Variants in DNMT3A observed in about 807,000 individuals in gnomAD.
DNMT3A encodes the protein DNA methyltransferase 3 alpha.
DNMT3A carries 267 observed loss-of-function variants against 117.6 expected under a neutral mutation model. That is an observed-to-expected ratio of 2.27 (90% CI 2.05 to 2.51). The LOEUF is 2.51. Among genes scored for constraint, DNMT3A ranks in the 30% most tolerant of loss-of-function variants. The pLI is 0.00. For synonymous variants in DNMT3A, 432 were observed against 474.8 expected (o/e 0.91, Z 1.17); for missense variants, 1,029 against 1,260.2 (o/e 0.82, Z 2.78).
intron 6 of DNMT3A, among the ~76,000 whole-genome samples, chr2:25,264,079 T>C (rs1010680795): frequency 1.3e-4 from 19 of 150,356 alleles, no homozygotes; most frequent in African/African-American, 4.6e-4. Context: ...CAAGGTGGTA[T>C]CTTAAAGACT....
rs1573286603 is a variant in DNMT3A, at chr2:25,231,583, A to G, written c.*2696T>C. Reference sequence around the variant, plus strand: ...TTCAATAGGTGAGGTTCACTGTCCCATTTTTTTTCCCCAATGGAAGCCCCC... The same window carrying G: ...TTCAATAGGTGAGGTTCACTGTCCCGTTTTTTTTCCCCAATGGAAGCCCCC... On this transcript the variant is annotated 3_prime_UTR_variant, in exon 23 of 23. Transcript: ENST00000321117. The G allele has an allele frequency of 6.6e-6, 1 of 151,990 alleles. No individual in the cohort carries two copies. The highest frequency in any genetic ancestry group is 1.9e-4 in the East Asian group (1 of 5,190). The allele number at this position is 151,990 out of a possible 1,614,324, so 9.4% of individuals were successfully genotyped here.
At chr2:25,264,146 T>G (rs1251701904) in intron 6 of DNMT3A, among the ~76,000 whole-genome samples, 4 of 135,982 alleles carry the variant, frequency 2.9e-5, no homozygotes, top group Non-Finnish European at 6.3e-5. Context: ...TTTTTTTTTT[T>G]TTTTTTTTTT....
intron 21 of DNMT3A, 152 bp from the exon 22 acceptor site, chr2:25,235,977 G>A (rs1043587316): frequency 2.9e-6 from 2 of 687,820 alleles, no homozygotes; most frequent in East Asian, 2.7e-5. Context: ...AGCAGAGTTC[G>A]CAGGGCAGGA....
chr2:25,291,928 G>A (rs1307713600), intron 3 of DNMT3A, among the ~76,000 whole-genome samples: 1 of 152,248 alleles, frequency 6.6e-6, no homozygotes, highest in Non-Finnish European at 1.5e-5. Context: ...AACCTCAAAG[G>A]ATTTCAGAGT....
Position 25,233,960 on chromosome 2 carries a change from A to G in DNMT3A, c.*319T>C. ...CAAGAAACAAAACCCAAACAAACAG[A>G]AAACCCCTCTGAAAAGAGTAGAAAA... On this transcript the variant is annotated 3_prime_UTR_variant, in exon 23 of 23. Coordinates refer to ENST00000321117, the MANE Select transcript of DNMT3A (RefSeq NM_022552.5). 1 of 261,646 alleles carries G rather than the reference A, an allele frequency of 3.8e-6. No homozygotes were observed. 16.2% of individuals were successfully genotyped at this position (261,646 alleles called of 1,614,324 possible). A position where few individuals can be genotyped will look rare whatever the true frequency, so the allele number is the denominator to read the frequency against.
rs765593136 is a variant in DNMT3A, at chr2:25,247,620, T to C, written c.985A>G (p.Met329Val). The change falls in exon 8 of 23, where the codon ATG becomes GTG. Residue 329 changes from methionine (M) to valine (V), a missense_variant. Transcript: ENST00000321117. The surrounding 1 kb of genome is among the most constrained non-coding windows in gnomAD (Gnocchi z 5.6). ...SRAAEGTRWV[M>V]WFGDGKFSVV... Reference sequence around the variant, plus strand: ...GAGAATTTGCCGTCTCCGAACCACATGACCCAGCGGGTGCCTTCAGCTGCT... The same window carrying C: ...GAGAATTTGCCGTCTCCGAACCACACGACCCAGCGGGTGCCTTCAGCTGCT... 1 of 1,613,856 alleles carries C rather than the reference T, an allele frequency of 6.2e-7. No homozygotes were observed. Among genetic ancestry groups the C allele is most frequent in the East Asian group, 2.2e-5 (1 of 44,846 alleles).
Position 25,259,954 on chromosome 2 carries a change from C to A in DNMT3A, c.640-11702G>T, listed in dbSNP as rs151017972. On this transcript the variant is annotated intron_variant, in intron 6 of 22. Transcript: ENST00000321117. ...CAAGTCCTTTCCGGTCTTTCCCCCCCAACCCTGTTTGGAAACTGTTCCCTA... is the reference window on the plus strand; with the variant it reads ...CAAGTCCTTTCCGGTCTTTCCCCCCAAACCCTGTTTGGAAACTGTTCCCTA... 1.5e-3 allele frequency among the ~76,000 whole-genome samples: 232 copies of A among 152,338 alleles called. 3 individuals carry two copies. The East Asian group carries it at 0.038, about 25-fold the overall frequency.
chr2:25,330,557 C>T (rs1177179166), intron 1 of DNMT3A, among the ~76,000 whole-genome samples: 1 of 152,244 alleles, frequency 6.6e-6, no homozygotes, highest in Non-Finnish European at 1.5e-5. Context: ...ACAGAGGAAG[C>T]GGCCCTCTCT....
intron 4 of DNMT3A, among the ~76,000 whole-genome samples, chr2:25,278,042 C>CAAAAACAG (rs59654713): frequency 1.4e-5 from 2 of 146,294 alleles, no homozygotes; most frequent in Non-Finnish European, 3.0e-5. Flanking sequence ...CACACACAGA[C>CAAAAACAG]ACACACGCTT....
At chr2:25,278,895 A>C (rs1293209594) in intron 4 of DNMT3A, among the ~76,000 whole-genome samples, 1 of 152,204 alleles carries the variant, frequency 6.6e-6, no homozygotes, top group South Asian at 2.1e-4. Context: ...GAGCTTCTGA[A>C]ACTTTCATAT....
intron 3 of DNMT3A, among the ~76,000 whole-genome samples, chr2:25,288,407 G>T (rs760316013): frequency 5.3e-5 from 8 of 151,622 alleles, no homozygotes; most frequent in Non-Finnish European, 8.8e-5. Context: ...TTTTTGAGAC[G>T]GAGTCTCGCT....
At chr2:25,265,023 T>G (rs1262470826) in intron 6 of DNMT3A, among the ~76,000 whole-genome samples, 1 of 152,094 alleles carries the variant, frequency 6.6e-6, no homozygotes, top group Non-Finnish European at 1.5e-5. Context: ...CCTCCTCACA[T>G]CCATAGCTAA....
intron 19 of DNMT3A, among the ~76,000 whole-genome samples, chr2:25,240,096 G>T (rs1209524880): frequency 1.3e-5 from 2 of 152,172 alleles, no homozygotes; most frequent in Admixed American, 6.5e-5. Flanking sequence ...CCACCTCTTA[G>T]AGTGAGACCA....
At position 25,244,326 on chromosome 2, in the gene DNMT3A, C is replaced by T; in HGVS notation, c.1680G>A (p.Val560=). 1 of 1,606,082 alleles carries T rather than the reference C, an allele frequency of 6.2e-7. No homozygotes were observed. The highest frequency in any genetic ancestry group is 1.1e-5 in the South Asian group (1 of 90,194). Reference sequence around the variant, plus strand: ...GCCCCACCAAGAGGTCCACACACTCCACGCAAAAGCACCTGGAAGGAGACC... The same window carrying T: ...GCCCCACCAAGAGGTCCACACACTCTACGCAAAAGCACCTGGAAGGAGACC... ...GNNNCCRCFC[V]ECVDLLVGPG... Residue 560 remains valine, a synonymous_variant, in exon 15 of 23, where the codon GTG becomes GTA. Coordinates refer to ENST00000321117, the MANE Select transcript of DNMT3A (RefSeq NM_022552.5).
rs564377554 is a variant in DNMT3A at position 25,233,374 on chromosome 2, G to A, written c.*905C>T. 119 of 233,748 alleles carry A rather than the reference G, an allele frequency of 5.1e-4. No homozygotes were observed. The highest frequency in any genetic ancestry group is 7.3e-4 in the Non-Finnish European group (86 of 118,038). 14.5% of individuals were successfully genotyped at this position (233,748 alleles called of 1,614,324 possible). A position where few individuals can be genotyped will look rare whatever the true frequency, so the allele number is the denominator to read the frequency against. ...TGAAACCCTTTGCGCAGAAGGCAAC[G>A]TGGAAGCTGATGTTTTTACTCATCT... is the stretch of plus-strand genomic sequence containing the variant. On this transcript the variant is annotated 3_prime_UTR_variant, in exon 23 of 23. Transcript: ENST00000321117.
intron 1 of DNMT3A, among the ~76,000 whole-genome samples, chr2:25,333,233 C>T (rs1225056390): frequency 1.3e-5 from 2 of 152,162 alleles, no homozygotes; most frequent in African/African-American, 2.4e-5. Flanking sequence ...ACTCCCAGCC[C>T]AGAGTCCACC....
chr2:25,278,001 TCA>T (rs71397475), intron 4 of DNMT3A, among the ~76,000 whole-genome samples: 1,973 of 90,476 alleles, frequency 0.022, 23 homozygotes, highest in Middle Eastern at 0.053. Flanking sequence ...ACTTGAGTGA[TCA>T]CACACACACA....
intron 4 of DNMT3A, among the ~76,000 whole-genome samples, chr2:25,278,937 C>T (rs2031676453): frequency 6.6e-6 from 1 of 152,176 alleles, no homozygotes; most frequent in Non-Finnish European, 1.5e-5. Context: ...CTTTAAAATG[C>T]AGATTCTGAT....
At position 25,229,683 on chromosome 2, in the gene DNMT3A, A is replaced by T. The variant is rs1672796834; in HGVS notation, c.*4596T>A. 6.6e-6 allele frequency: 1 copy of T among 152,238 alleles called. No individual in the cohort carries two copies. The highest frequency in any genetic ancestry group is 6.5e-5 in the Admixed American group (1 of 15,290). The allele number at this position is 152,238 out of a possible 1,614,324, so 9.4% of individuals were successfully genotyped here. Reference sequence around the variant, plus strand: ...TGCCCTGGCCCTAACCCACAGCTTGAGGGGGATCCTAAAAGCAACAGCTCT... The same window carrying T: ...TGCCCTGGCCCTAACCCACAGCTTGTGGGGGATCCTAAAAGCAACAGCTCT... On this transcript the variant is annotated 3_prime_UTR_variant, in exon 23 of 23. Coordinates refer to ENST00000321117, the MANE Select transcript of DNMT3A (RefSeq NM_022552.5).
Sources: gnomAD v4.1 joint callset for allele counts (sites outside exome capture counted in the v4.1 genomes callset) on GRCh38, gnomAD v4.1.1 for gene constraint, Gnocchi (gnomAD v3.1) non-coding constraint, MANE v1.5 for transcripts, NCBI Gene and HGNC (gene_info 2026-07-23, HGNC 2026-07-21) for gene names.